FAM174B: variants seen among roughly 807,000 people sequenced by gnomAD.
FAM174B encodes family with sequence similarity 174 member B.
Under a neutral mutation model 10.9 loss-of-function variants are expected in FAM174B, and 12 were observed. That is an observed-to-expected ratio of 1.10 (90% CI 0.71 to 1.79). FAM174B has a LOEUF of 1.79. Among genes scored for constraint, FAM174B ranks in the 40% most tolerant of loss-of-function variants. FAM174B has a pLI of 0.00. For synonymous variants in FAM174B, 132 were observed against 115.8 expected (o/e 1.14, Z -0.90); for missense variants, 266 against 233.3 (o/e 1.14, Z -0.91).
chr15:92,631,300 ATAATATATTATATATAATATT>A (rs2050806065), intron 1 of FAM174B, among the ~76,000 whole-genome samples: 1 of 3,872 alleles, frequency 2.6e-4, no homozygotes, highest in African/African-American at 6.3e-4. Flanking sequence ...TATATTATAT[ATAATATATTATATATAATATT>A]ATATATAATA....
At chr15:92,637,155 G>A (rs1407257024) in intron 1 of FAM174B, among the ~76,000 whole-genome samples, 1 of 152,208 alleles carries the variant, frequency 6.6e-6, no homozygotes, top group Non-Finnish European at 1.5e-5. Flanking sequence ...CCAGGCCATG[G>A]CAATGGCAGA....
rs139189153 is a variant in FAM174B, at chr15:92,635,862, T to C, written c.345-5517A>G. On this transcript the variant is annotated intron_variant, in intron 1 of 2. Transcript: ENST00000327355. ...TCCCAAAGTGCTGGGATTACAGGCA[T>C]GAGCCACCGCACCCAGCACATTTCT... Among the ~76,000 whole-genome samples the C allele has an allele frequency of 2.7e-3, 405 of 152,254 alleles. 3 individuals are homozygous for C. The highest frequency in any genetic ancestry group is 9.5e-3 in the African/African-American group (394 of 41,536).
chr15:92,626,210 T>C (rs1285935591), intron 2 of FAM174B, among the ~76,000 whole-genome samples: 1 of 148,174 alleles, frequency 6.7e-6, no homozygotes, highest in Non-Finnish European at 1.5e-5. Context: ...GCCATTCTCC[T>C]GCCTCAGCCT....
At chr15:92,621,338 A>G (rs2050717966) in intron 2 of FAM174B, among the ~76,000 whole-genome samples, 1 of 152,218 alleles carries the variant, frequency 6.6e-6, no homozygotes, top group Admixed American at 6.5e-5. Flanking sequence ...TAAGCCAGGC[A>G]CAGTGGGTCG....
At chr15:92,640,672 A>G (rs2050885816) in intron 1 of FAM174B, among the ~76,000 whole-genome samples, 1 of 151,384 alleles carries the variant, frequency 6.6e-6, no homozygotes, top group Non-Finnish European at 1.5e-5. Flanking sequence ...TTTTTAAGAC[A>G]CAGTCTCACT....
intron 1 of FAM174B, among the ~76,000 whole-genome samples, chr15:92,633,556 ACACACACACG>A (rs2050833344): frequency 6.6e-6 from 1 of 151,938 alleles, no homozygotes; most frequent in Non-Finnish European, 1.5e-5. Context: ...TCACCGGTAT[ACACACACACG>A]CACACACACG....
intron 1 of FAM174B, among the ~76,000 whole-genome samples, chr15:92,648,475 G>A (rs1158833875): frequency 6.6e-6 from 1 of 152,140 alleles, no homozygotes; most frequent in African/African-American, 2.4e-5. Flanking sequence ...GTGTTGGGGA[G>A]ACCTCGCTGG....
In FAM174B at chr15:92,619,023, A is replaced by AT; in HGVS notation, c.*432_*433insA. On this transcript the variant is annotated 3_prime_UTR_variant, in exon 3 of 3. Coordinates refer to ENST00000327355, the MANE Select transcript of FAM174B (RefSeq NM_207446.3). ...ATGGGGTCCAATGTGTAGATCCAGT[A>AT]GAGAAGAATGTCGGAAATTCTAAAT... 4.4e-6 allele frequency: 2 copies of AT among 452,374 alleles called. No homozygotes were observed. The highest frequency in any genetic ancestry group is 7.8e-6 in the Non-Finnish European group (2 of 256,442). 28.0% of individuals were successfully genotyped at this position (452,374 alleles called of 1,614,324 possible). A position where few individuals can be genotyped will look rare whatever the true frequency, so the allele number is the denominator to read the frequency against.
intron 2 of FAM174B, among the ~76,000 whole-genome samples, chr15:92,621,433 G>A (rs1029490593): frequency 2.8e-4 from 43 of 152,046 alleles, no homozygotes; most frequent in African/African-American, 9.9e-4. Flanking sequence ...GCAACATACT[G>A]AGAGCTTGTC....
chr15:92,637,006 C>T (rs1426052394), intron 1 of FAM174B, among the ~76,000 whole-genome samples: 11 of 152,358 alleles, frequency 7.2e-5, no homozygotes, highest in African/African-American at 2.2e-4. Context: ...AGCCAGCCCA[C>T]GCCCACTTCC....
chr15:92,631,867 G>A (rs2050821442), intron 1 of FAM174B, among the ~76,000 whole-genome samples: 2 of 152,078 alleles, frequency 1.3e-5, no homozygotes, highest in Non-Finnish European at 1.5e-5. Flanking sequence ...GATGTCCAAT[G>A]AGGACCGGGT....
rs1189990780 is a variant in FAM174B, at chr15:92,655,716, C to T, written c.-57G>A. 1.7e-6 allele frequency: 2 copies of T among 1,209,442 alleles called. No individual in the cohort carries two copies. Among genetic ancestry groups the T allele is most frequent in the Admixed American group, 4.0e-5 (1 of 24,840 alleles). 74.9% of individuals were successfully genotyped at this position (1,209,442 alleles called of 1,614,324 possible). On this transcript the variant is annotated 5_prime_UTR_variant, in exon 1 of 3. Coordinates refer to ENST00000327355, the MANE Select transcript of FAM174B (RefSeq NM_207446.3). Reference sequence around the variant, plus strand: ...GCGCGCGCGGCTGAGCTCCAGGATCCGCACCAGCACGGAGGCCTGCACCGG... The same window carrying T: ...GCGCGCGCGGCTGAGCTCCAGGATCTGCACCAGCACGGAGGCCTGCACCGG...
chr15:92,634,820 C>G (rs1344139455), intron 1 of FAM174B, among the ~76,000 whole-genome samples: 1 of 152,144 alleles, frequency 6.6e-6, no homozygotes, highest in East Asian at 1.9e-4. Context: ...TGGGTGGGCC[C>G]CATCCATGCA....
chr15:92,624,154 C>T (rs966923660), intron 2 of FAM174B, among the ~76,000 whole-genome samples: 1 of 152,206 alleles, frequency 6.6e-6, no homozygotes, highest in Non-Finnish European at 1.5e-5. Flanking sequence ...CCATTTTTAA[C>T]ACATATCCTC....
chr15:92,655,571 T>A lies in FAM174B; in HGVS notation c.89A>T (p.Glu30Val), dbSNP rs761932427. The part of the protein sequence containing the change: ...AAPAARASRA[E>V]SVSAPWPEPE... ...TTCGGGCCACGGCGCGGAGACGGAC[T>A]CGGCTCTGCTGGCGCGGGCGGCGGG... Residue 30 changes from glutamate (E) to valine (V), a missense_variant, in exon 1 of 3, where the codon GAG becomes GTG. Transcript: ENST00000327355. The A allele has an allele frequency of 1.0e-5, 14 of 1,357,150 alleles. No individual in the cohort carries two copies. Among genetic ancestry groups the A allele is most frequent in the South Asian group, 1.9e-5 (1 of 51,482 alleles). 84.1% of individuals were successfully genotyped at this position (1,357,150 alleles called of 1,614,324 possible). A position where few individuals can be genotyped will look rare whatever the true frequency, so the allele number is the denominator to read the frequency against.
chr15:92,655,728 G>T lies in FAM174B; in HGVS notation c.-69C>A. On this transcript the variant is annotated 5_prime_UTR_variant, in exon 1 of 3. Coordinates refer to ENST00000327355, the MANE Select transcript of FAM174B (RefSeq NM_207446.3). ...GAGCTCCAGGATCCGCACCAGCACG[G>T]AGGCCTGCACCGGGGGATCCTGCGG... 1 of 1,184,746 alleles carries T rather than the reference G, an allele frequency of 8.4e-7. No individual in the cohort carries two copies. Among genetic ancestry groups the T allele is most frequent in the Non-Finnish European group, 1.1e-6 (1 of 951,286 alleles). 73.4% of individuals were successfully genotyped at this position (1,184,746 alleles called of 1,614,324 possible). A position where few individuals can be genotyped will look rare whatever the true frequency, so the allele number is the denominator to read the frequency against.
chr15:92,640,803 C>G (rs1444905927), intron 1 of FAM174B, among the ~76,000 whole-genome samples: 1 of 152,026 alleles, frequency 6.6e-6, no homozygotes, highest in Admixed American at 6.6e-5. Flanking sequence ...CACCACCACA[C>G]TCAGCCAATT....
chr15:92,628,196 C>T (rs1303854473), intron 2 of FAM174B, among the ~76,000 whole-genome samples: 1 of 150,742 alleles, frequency 6.6e-6, no homozygotes, highest in African/African-American at 2.4e-5. Context: ...ATGGGGTCTT[C>T]CTCTGTTGCC....
At chr15:92,635,058 C>T (rs2050844501) in intron 1 of FAM174B, among the ~76,000 whole-genome samples, 1 of 152,016 alleles carries the variant, frequency 6.6e-6, no homozygotes, top group Non-Finnish European at 1.5e-5. Context: ...TGGGACCTGT[C>T]AGCCTCCATA....
Sources: gnomAD v4.1 joint callset for allele counts (sites outside exome capture counted in the v4.1 genomes callset) on GRCh38, gnomAD v4.1.1 for gene constraint, MANE v1.5 for transcripts, NCBI Gene and HGNC (gene_info 2026-07-23, HGNC 2026-07-21) for gene names.